KCNJ6: variants seen among roughly 807,000 people sequenced by gnomAD.
KCNJ6 encodes the protein G protein-activated inward rectifier potassium channel 2.
Under a neutral mutation model 34.2 loss-of-function variants are expected in KCNJ6, and 9 were observed. The ratio of observed to expected loss-of-function variants is 0.26; its 90% confidence interval spans 0.16 to 0.46. The LOEUF (loss-of-function observed/expected upper bound fraction) is 0.46, where lower values mean the gene tolerates loss of function less well. Ranked by LOEUF, KCNJ6 falls within the 20% of genes least tolerant of loss-of-function variation. KCNJ6 has a pLI of 1.00. For synonymous variants in KCNJ6, 196 were observed against 207.1 expected (o/e 0.95, Z 0.46); for missense variants, 236 against 531.3 (o/e 0.44, Z 5.46).
Position 37,650,190 on chromosome 21 carries a change from C to T in KCNJ6, c.947-24706G>A, listed in dbSNP as rs2054426825. On this transcript the variant is annotated intron_variant, in intron 3 of 3. Transcript: ENST00000609713. The stretch of plus-strand genomic sequence containing the variant: ...GGCCACACATTAAGCCCAGGTTTAG[C>T]GTCTGGCGCCAGTTCCCTCTGCCCG... Among the ~76,000 whole-genome samples the T allele has an allele frequency of 2.0e-5, 3 of 152,272 alleles. 1 individual carries two copies. Among genetic ancestry groups the T allele is most frequent in the South Asian group, 4.1e-4 (2 of 4,826 alleles).
intron 2 of KCNJ6, among the ~76,000 whole-genome samples, chr21:37,811,268 A>G (rs906762996): frequency 3.9e-5 from 6 of 152,174 alleles, no homozygotes; most frequent in Non-Finnish European, 4.4e-5. Flanking sequence ...TATCTTTTAT[A>G]ATATCCTTTA....
intron 1 of KCNJ6, among the ~76,000 whole-genome samples, chr21:37,895,562 C>T (rs969931364): frequency 2.0e-4 from 31 of 152,238 alleles, no homozygotes; most frequent in African/African-American, 7.5e-4. Context: ...TCTTTGGAAG[C>T]ACCTGAAATA....
At chr21:37,854,638 C>G (rs2055555308) in intron 1 of KCNJ6, among the ~76,000 whole-genome samples, 2 of 152,124 alleles carry the variant, frequency 1.3e-5, no homozygotes, top group South Asian at 4.1e-4. Context: ...TAGAAGAAAA[C>G]TTGAAATGTT....
intron 2 of KCNJ6, among the ~76,000 whole-genome samples, chr21:37,782,262 G>A (rs2055172998): frequency 6.6e-6 from 1 of 152,168 alleles, no homozygotes; most frequent in Admixed American, 6.5e-5. Flanking sequence ...AGGAATGCTG[G>A]CCCTACTGAC....
At chr21:37,818,409 C>A (rs2055358025) in intron 2 of KCNJ6, among the ~76,000 whole-genome samples, 1 of 152,130 alleles carries the variant, frequency 6.6e-6, no homozygotes, top group African/African-American at 2.4e-5. Flanking sequence ...ATAGAACTCA[C>A]AACATGACAT....
At chr21:37,673,405 T>A (rs1470180687) in intron 3 of KCNJ6, among the ~76,000 whole-genome samples, 2 of 152,258 alleles carry the variant, frequency 1.3e-5, no homozygotes, top group African/African-American at 4.8e-5. Flanking sequence ...CCTGTTTCTT[T>A]CCAGGAGCCG....
rs746604903 is a variant in KCNJ6, at chr21:37,620,021, C to T, written c.*5138G>A. 2.6e-5 allele frequency: 4 copies of T among 152,014 alleles called. No individual in the cohort carries two copies. The highest frequency in any genetic ancestry group is 4.4e-5 in the Non-Finnish European group (3 of 68,004). The allele number at this position is 152,014 out of a possible 1,614,324, so 9.4% of individuals were successfully genotyped here. A position where few individuals can be genotyped will look rare whatever the true frequency, so the allele number is the denominator to read the frequency against. On this transcript the variant is annotated 3_prime_UTR_variant, in exon 4 of 4. Transcript: ENST00000609713. ...TCTAAGTCTTGTGAAGCAGTTGTCT[C>T]TTTGACAACCGAAAAAAAAGAGTTA...
intron 1 of KCNJ6, among the ~76,000 whole-genome samples, chr21:37,844,749 A>G: frequency 6.6e-6 from 1 of 152,234 alleles, no homozygotes; most frequent in Middle Eastern, 3.4e-3. Flanking sequence ...CTGGGCACCA[A>G]CCAGTCTCTG....
intron 1 of KCNJ6, among the ~76,000 whole-genome samples, chr21:37,847,038 C>T (rs1003600787): frequency 1.3e-5 from 2 of 151,876 alleles, no homozygotes; most frequent in Non-Finnish European, 2.9e-5. Context: ...AAAATATAGG[C>T]CACAGCATTT....
In KCNJ6 at chr21:37,661,614, G is replaced by GTTTTTTTTTTTTTTTT. The variant is rs59026391; in HGVS notation, c.947-36146_947-36131dup. The stretch of plus-strand genomic sequence containing the variant: ...TCCACCCATTTCCTTAAGAGACATA[G>GTTTTTTTTTTTTTTTT]TTTTTTTTTTTTTTTTTTTTTTTTT... On this transcript the variant is annotated intron_variant, in intron 3 of 3. Coordinates refer to ENST00000609713, the MANE Select transcript of KCNJ6 (RefSeq NM_002240.5). 2.7e-3 allele frequency among the ~76,000 whole-genome samples: 195 copies of GTTTTTTTTTTTTTTTT among 71,158 alleles called. 50 individuals are homozygous for GTTTTTTTTTTTTTTTT. The highest frequency in any genetic ancestry group is 3.1e-3 in the Admixed American group (17 of 5,426). 46.7% of individuals were successfully genotyped at this position (71,158 alleles called of 152,430 possible).
intron 2 of KCNJ6, among the ~76,000 whole-genome samples, chr21:37,809,523 A>C (rs2055311735): frequency 6.6e-6 from 1 of 152,238 alleles, no homozygotes; most frequent in Admixed American, 6.5e-5. Flanking sequence ...CTTAAAGTAT[A>C]ATAATAATAA....
rs887296478 is a variant in KCNJ6 at position 37,614,723 on chromosome 21, CGTGT to C, written c.*10432_*10435del. 4 of 110,670 alleles carry C rather than the reference CGTGT, an allele frequency of 3.6e-5. No individual in the cohort carries two copies. Among genetic ancestry groups the C allele is most frequent in the Admixed American group, 2.9e-4 (3 of 10,500 alleles). The allele number at this position is 110,670 out of a possible 1,614,324, so 6.9% of individuals were successfully genotyped here. ...GTGTGTGTATGCATGTGCATGTATG[CGTGT>C]GTGTGTATGCGCATGTCTCTGTATG... On this transcript the variant is annotated 3_prime_UTR_variant, in exon 4 of 4. Transcript: ENST00000609713.
Position 37,723,053 on chromosome 21 carries a change from T to C in KCNJ6, c.26-7922A>G, listed in dbSNP as rs1209364017. On this transcript the variant is annotated intron_variant, in intron 2 of 3. Coordinates refer to ENST00000609713, the MANE Select transcript of KCNJ6 (RefSeq NM_002240.5). Reference sequence around the variant, plus strand: ...AACTGCATCTGACTAAGGTGTAATATCCAAAATCTAAAAGGAATTTAATTT... The same window carrying C: ...AACTGCATCTGACTAAGGTGTAATACCCAAAATCTAAAAGGAATTTAATTT... Among the ~76,000 whole-genome samples, 4 of 152,218 alleles carry C rather than the reference T, an allele frequency of 2.6e-5. No homozygotes were observed. In the South Asian group the frequency reaches 8.3e-4, roughly 32 times the overall value.
intron 1 of KCNJ6, among the ~76,000 whole-genome samples, chr21:37,894,134 G>A (rs1045245289): frequency 7.9e-5 from 12 of 152,170 alleles, no homozygotes; most frequent in African/African-American, 2.9e-4. Flanking sequence ...AGTTCTAGAA[G>A]CTTATTTATC....
intron 3 of KCNJ6, among the ~76,000 whole-genome samples, chr21:37,689,184 T>C (rs1485932843): frequency 6.6e-6 from 1 of 152,144 alleles, no homozygotes; most frequent in Non-Finnish European, 1.5e-5. Flanking sequence ...GTCTACAGCT[T>C]TTCAAAAGCA....
chr21:37,626,397 G>T (rs1175768910), intron 3 of KCNJ6, among the ~76,000 whole-genome samples: 2 of 152,116 alleles, frequency 1.3e-5, no homozygotes, highest in African/African-American at 4.8e-5. Flanking sequence ...GCCTCCCAAA[G>T]TGTTGGGATT....
At chr21:37,710,310 T>C (rs1304644235) in intron 3 of KCNJ6, among the ~76,000 whole-genome samples, 2 of 152,166 alleles carry the variant, frequency 1.3e-5, no homozygotes, top group African/African-American at 4.8e-5. Context: ...TCCTTATCTT[T>C]TAGGGGCACA....
rs1197099890 is a variant in KCNJ6, at chr21:37,633,890, A to G, written c.947-8406T>C. Among the ~76,000 whole-genome samples, 6 of 151,596 alleles carry G rather than the reference A, an allele frequency of 4.0e-5. No homozygotes were observed. The Admixed American group carries it at 4.0e-4, about 10-fold the overall frequency. ...ATGTCAGTTTTTCCCAAGTTACTTT[A>G]TAGATTCAATACAATCCCAACAAAA... On this transcript the variant is annotated intron_variant, in intron 3 of 3. Transcript: ENST00000609713.
intron 2 of KCNJ6, among the ~76,000 whole-genome samples, chr21:37,759,575 T>C (rs1203977410): frequency 1.3e-5 from 2 of 152,164 alleles, no homozygotes; most frequent in Non-Finnish European, 2.9e-5. Context: ...CATCACTGGC[T>C]TCCCATTGTC....
Sources: allele counts gnomAD v4.1 joint callset (sites outside exome capture counted in the v4.1 genomes callset), GRCh38; gene constraint gnomAD v4.1.1; transcripts MANE v1.5; gene names NCBI Gene and HGNC (gene_info 2026-07-23, HGNC 2026-07-21).